Variants in CRPPA observed in about 807,000 individuals in gnomAD.
CRPPA encodes CDP-L-ribitol pyrophosphorylase A, also known as D-ribitol-5-phosphate cytidylyltransferase.
CRPPA carries 43 observed loss-of-function variants against 52.0 expected under a neutral mutation model. The ratio of observed to expected loss-of-function variants is 0.83; its 90% CI spans 0.65 to 1.07. The LOEUF is 1.07. Among genes scored for constraint, CRPPA ranks in the 50% least tolerant of loss-of-function variants. CRPPA has a pLI of 0.00. For synonymous variants in CRPPA, 250 were observed against 203.5 expected, an observed-to-expected ratio of 1.23 and a Z score of -1.94; for missense variants, 629 against 551.7, an observed-to-expected ratio of 1.14 and a Z score of -1.40.
At chr7:16,420,260 G>A (rs539411575) in intron 1 of CRPPA, among the ~76,000 whole-genome samples, 2 of 152,204 alleles carry the variant, frequency 1.3e-5, no homozygotes, top group African/African-American at 2.4e-5. Context: ...CTTCAGAGAA[G>A]TTCAAACACC....
chr7:16,295,811 G>T (rs1340200249), intron 5 of CRPPA, among the ~76,000 whole-genome samples: 1 of 152,062 alleles, frequency 6.6e-6, no homozygotes, highest in Non-Finnish European at 1.5e-5. Context: ...AGACTTGGGT[G>T]GGCTCAACCA....
At chr7:16,184,367 T>C (rs1347206885) in intron 9 of CRPPA, among the ~76,000 whole-genome samples, 1 of 152,202 alleles carries the variant, frequency 6.6e-6, no homozygotes, top group Admixed American at 6.5e-5. Flanking sequence ...AAATATAAAA[T>C]ACTCTCATAC....
chr7:16,263,216 T>A (rs1406119367), intron 6 of CRPPA, among the ~76,000 whole-genome samples: 1 of 152,156 alleles, frequency 6.6e-6, no homozygotes, highest in Non-Finnish European at 1.5e-5. Context: ...AATAGTGACT[T>A]TGACATTAAA....
chr7:16,176,154 A>T (rs1044911594), intron 9 of CRPPA, among the ~76,000 whole-genome samples: 2 of 152,212 alleles, frequency 1.3e-5, no homozygotes, highest in Admixed American at 1.3e-4. Flanking sequence ...ACTGCCCTTC[A>T]AAGCTACATT....
At chr7:16,150,612 T>C (rs942028665) in intron 9 of CRPPA, among the ~76,000 whole-genome samples, 16 of 152,062 alleles carry the variant, frequency 1.1e-4, no homozygotes, top group Admixed American at 3.3e-4. Context: ...TAAGAAAAAA[T>C]GAGTAAGAGT....
At chr7:16,200,331 A>T (rs1781822519) in intron 9 of CRPPA, among the ~76,000 whole-genome samples, 1 of 152,210 alleles carries the variant, frequency 6.6e-6, no homozygotes, top group Non-Finnish European at 1.5e-5. Flanking sequence ...ACATTCTCTC[A>T]CACCAGAAAT....
chr7:16,135,652 G>A (rs768424534), intron 9 of CRPPA, among the ~76,000 whole-genome samples: 11 of 152,016 alleles, frequency 7.2e-5, no homozygotes, highest in Non-Finnish European at 1.3e-4. Context: ...ATTCTACCAA[G>A]GTATGCAACT....
At chr7:16,230,879 G>T (rs191937742) in intron 8 of CRPPA, among the ~76,000 whole-genome samples, 30 of 152,132 alleles carry the variant, frequency 2.0e-4, no homozygotes, top group Admixed American at 6.6e-4. Context: ...AGAAGCGAGG[G>T]GCCACCTGCT....
chr7:16,337,466 C>T (rs543799640), intron 3 of CRPPA, among the ~76,000 whole-genome samples: 1 of 151,896 alleles, frequency 6.6e-6, no homozygotes, highest in Non-Finnish European at 1.5e-5. Flanking sequence ...GCAAAGAGTC[C>T]TAAGTGGCAA....
At chr7:16,365,988 A>G (rs1786579878) in intron 3 of CRPPA, among the ~76,000 whole-genome samples, 1 of 152,200 alleles carries the variant, frequency 6.6e-6, no homozygotes, top group South Asian at 2.1e-4. Context: ...GACTGCTAAA[A>G]CAAAATATCT....
At chr7:16,370,660 C>G (rs963157364) in intron 3 of CRPPA, among the ~76,000 whole-genome samples, 1 of 152,152 alleles carries the variant, frequency 6.6e-6, no homozygotes, top group East Asian at 1.9e-4. Flanking sequence ...AAGTTTCTTA[C>G]AGCAGAGACA....
chr7:16,353,471 G>A (rs1786212365), intron 3 of CRPPA, among the ~76,000 whole-genome samples: 1 of 152,220 alleles, frequency 6.6e-6, no homozygotes, highest in Non-Finnish European at 1.5e-5. Flanking sequence ...TGCTAGACAA[G>A]AGGAAGAACT....
chr7:16,246,994 C>G (rs958047246), intron 8 of CRPPA, among the ~76,000 whole-genome samples: 1 of 152,222 alleles, frequency 6.6e-6, no homozygotes, highest in Non-Finnish European at 1.5e-5. Context: ...AAAGCCCTAC[C>G]TGGCATGTTC....
intron 9 of CRPPA, among the ~76,000 whole-genome samples, chr7:16,093,428 C>T (rs1781877030): frequency 6.6e-6 from 1 of 152,090 alleles, no homozygotes; most frequent in Non-Finnish European, 1.5e-5. Context: ...ATGCTCCCAC[C>T]ACCCTATGTC....
At chr7:16,402,683 G>A (rs1288309032) in intron 2 of CRPPA, among the ~76,000 whole-genome samples, 1 of 144,324 alleles carries the variant, frequency 6.9e-6, no homozygotes, top group African/African-American at 2.7e-5. Flanking sequence ...TCCTTAAACA[G>A]GATATTAGAC....
At chr7:16,374,257 C>T (rs1363512623) in intron 3 of CRPPA, among the ~76,000 whole-genome samples, 1 of 152,122 alleles carries the variant, frequency 6.6e-6, no homozygotes, top group Non-Finnish European at 1.5e-5. Context: ...AGTCTTCTGG[C>T]TATCATCTTT....
intron 3 of CRPPA, among the ~76,000 whole-genome samples, chr7:16,344,573 T>C (rs751522155): frequency 2.6e-5 from 4 of 151,996 alleles, no homozygotes; most frequent in Non-Finnish European, 5.9e-5. Flanking sequence ...AGCCTATTTA[T>C]GGTATTTTTC....
intron 2 of CRPPA, among the ~76,000 whole-genome samples, chr7:16,396,601 G>C (rs909847584): frequency 6.6e-6 from 1 of 152,194 alleles, no homozygotes; most frequent in Non-Finnish European, 1.5e-5. Context: ...AGAAGTCATT[G>C]TACGAAAAAG....
At chr7:16,351,278 T>C (rs1786144109) in intron 3 of CRPPA, among the ~76,000 whole-genome samples, 1 of 152,156 alleles carries the variant, frequency 6.6e-6, no homozygotes, top group Admixed American at 6.5e-5. Flanking sequence ...ATTAAAGATT[T>C]AAACCTAGGT....
Sources: gnomAD v4.1 joint callset for allele counts (sites outside exome capture counted in the v4.1 genomes callset) on GRCh38, gnomAD v4.1.1 for gene constraint, MANE v1.5 for transcripts, NCBI Gene and HGNC (gene_info 2026-07-23, HGNC 2026-07-21) for gene names.